DLG5: variants seen among roughly 807,000 people sequenced by gnomAD.
DLG5 encodes disks large homolog 5.
DLG5 carries 48 observed loss-of-function variants against 189.8 expected under a neutral mutation model. The ratio of observed to expected loss-of-function variants is 0.25; its 90% CI spans 0.20 to 0.32. The LOEUF (loss-of-function observed/expected upper bound fraction) is 0.32, where lower values mean the gene tolerates loss of function less well. Ranked by LOEUF, DLG5 falls within the 10% of genes least tolerant of loss-of-function variation. The pLI, the probability that DLG5 is intolerant of heterozygous loss-of-function variation, is 1.00. For synonymous variants in DLG5, 1,016 were observed against 1,054.1 expected, an observed-to-expected ratio of 0.96 and a Z score of 0.70; for missense variants, 2,160 against 2,544.7, an observed-to-expected ratio of 0.85 and a Z score of 3.25.
chr10:77,934,390 A>G, the DLG5 span, among the ~76,000 whole-genome samples: 8 of 148,592 alleles, frequency 5.4e-5, no homozygotes, highest in South Asian at 2.1e-4. Flanking sequence ...AAAAAAAAAG[A>G]AAAGGAAAAA....
At chr10:77,813,571 C>T (rs142592761) in intron 20 of DLG5, among the ~76,000 whole-genome samples, 10 of 152,308 alleles carry the variant, frequency 6.6e-5, no homozygotes, top group South Asian at 2.1e-4. Flanking sequence ...CAATTCAACA[C>T]GGATTACAGC....
At chr10:77,834,279 A>C (rs1196587793) in intron 8 of DLG5, among the ~76,000 whole-genome samples, 1 of 152,054 alleles carries the variant, frequency 6.6e-6, no homozygotes, top group Non-Finnish European at 1.5e-5. Context: ...ACCCGGCAAC[A>C]AGTGTCAGGT....
intron 7 of DLG5, 103 bp from the exon 8 acceptor site, chr10:77,836,025 G>T: frequency 8.0e-7 from 1 of 1,250,140 alleles, no homozygotes; most frequent in Non-Finnish European, 1.1e-6. Flanking sequence ...CTAGGGAGCT[G>T]GATGGAGGGA....
chr10:77,934,385 A>AAAG, the DLG5 span, among the ~76,000 whole-genome samples: 1 of 151,570 alleles, frequency 6.6e-6, no homozygotes, highest in Non-Finnish European at 1.5e-5. Flanking sequence ...AAAAAAAAAA[A>AAAG]AAAGAAAAGG....
At chr10:77,891,020 T>G (rs1845591050) in intron 1 of DLG5, among the ~76,000 whole-genome samples, 1 of 152,226 alleles carries the variant, frequency 6.6e-6, no homozygotes, top group Non-Finnish European at 1.5e-5. Context: ...TTCAGTTTTC[T>G]GATTCCACCA....
intron 27 of DLG5, among the ~76,000 whole-genome samples, chr10:77,804,835 G>C (rs766796305): frequency 1.3e-5 from 2 of 152,174 alleles, no homozygotes; most frequent in Non-Finnish European, 2.9e-5. Context: ...CAGCCTGTAA[G>C]AACCTAAAAA....
rs548369323 is a variant in DLG5 at position 77,849,399 on chromosome 10, C to T, written c.864+3955G>A. 2.4e-3 allele frequency among the ~76,000 whole-genome samples: 360 copies of T among 152,368 alleles called. 2 individuals are homozygous for T. The highest frequency in any genetic ancestry group is 0.023 in the South Asian group (113 of 4,832). On this transcript the variant is annotated intron_variant, in intron 5 of 31. Transcript: ENST00000372391. ...TTCCTCTGCTGCTGGCCTACTGCCA[C>T]CTGAGCATCCCACAGCCAGGCATCC...
At chr10:77,834,141 G>A (rs962888528) in intron 8 of DLG5, 102 bp from the exon 9 acceptor site, 38 of 1,453,692 alleles carry the variant, frequency 2.6e-5, no homozygotes, top group Non-Finnish European at 3.3e-5. Flanking sequence ...AATACCTGCC[G>A]GCACCTATCC....
rs577017995 is a variant in DLG5, at chr10:77,918,792, A to G, written c.304+7425T>C. The stretch of plus-strand genomic sequence containing the variant: ...ATCCCTACTGTCCAGGCCAACACGC[A>G]GCTCAGCCCTCTTTCTCTATGTTTG... On this transcript the variant is annotated intron_variant, in intron 1 of 31. Transcript: ENST00000372391. Among the ~76,000 whole-genome samples the G allele has an allele frequency of 2.3e-3, 357 of 152,308 alleles. 1 individual carries two copies. The highest frequency in any genetic ancestry group is 8.4e-3 in the African/African-American group (351 of 41,562).
intron 18 of DLG5, 137 bp from the exon 19 acceptor site, chr10:77,817,233 T>C (rs1187342244): frequency 2.6e-6 from 2 of 776,584 alleles, no homozygotes; most frequent in Non-Finnish European, 4.4e-6. Flanking sequence ...AGCCTTGATA[T>C]GGAACAGTCA....
chr10:77,830,596 G>GCTGGGAAAGGATGCCTCACACTC (rs1842851788), intron 10 of DLG5, 145 bp downstream of exon 10: 2 of 1,366,560 alleles, frequency 1.5e-6, no homozygotes, highest in African/African-American at 2.9e-5. Flanking sequence ...CTGGACAGCT[G>GCTGGGAAAGGATGCCTCACACTC]CTGGGAAAGG....
chr10:77,898,377 G>GAGCTGGGGACAAGGTAGGGGAGAC (rs1845826808), intron 1 of DLG5, among the ~76,000 whole-genome samples: 1 of 152,244 alleles, frequency 6.6e-6, no homozygotes, highest in Non-Finnish European at 1.5e-5. Flanking sequence ...CCACAGAGGG[G>GAGCTGGGGACAAGGTAGGGGAGAC]AGCTGGGGAC....
intron 1 of DLG5, among the ~76,000 whole-genome samples, chr10:77,878,392 C>T (rs1845171153): frequency 6.6e-6 from 1 of 152,208 alleles, no homozygotes; most frequent in Non-Finnish European, 1.5e-5. Context: ...GCACAGCAAG[C>T]GATCCACAAA....
intron 18 of DLG5, among the ~76,000 whole-genome samples, chr10:77,817,451 CA>C (rs1378014772): frequency 6.6e-6 from 1 of 152,172 alleles, no homozygotes; most frequent in Non-Finnish European, 1.5e-5. Context: ...ACTTTCCATA[CA>C]AAAATGTATG....
intron 7 of DLG5, among the ~76,000 whole-genome samples, chr10:77,841,460 G>A (rs1240956437): frequency 6.6e-6 from 1 of 152,228 alleles, no homozygotes; most frequent in African/African-American, 2.4e-5. Flanking sequence ...TGGTGAAAAA[G>A]GGCCCCTGAG....
At chr10:77,925,048 T>A (rs1311779746) in intron 1 of DLG5, among the ~76,000 whole-genome samples, 1 of 152,194 alleles carries the variant, frequency 6.6e-6, no homozygotes, top group Non-Finnish European at 1.5e-5. Context: ...TATACATATA[T>A]CCTTATTTAT....
intron 1 of DLG5, among the ~76,000 whole-genome samples, chr10:77,886,929 A>T (rs1564575903): frequency 6.6e-6 from 1 of 152,220 alleles, no homozygotes; most frequent in Non-Finnish European, 1.5e-5. Flanking sequence ...AAGAAGCTTC[A>T]GAAGAAACCT....
chr10:77,820,756 G>A, intron 15 of DLG5: 1 of 338,248 alleles, frequency 3.0e-6, no homozygotes, highest in Non-Finnish European at 5.4e-6. Flanking sequence ...CCTCACACGT[G>A]CCACCTCATC....
chr10:77,852,390 A>G (rs1054313738), intron 5 of DLG5, among the ~76,000 whole-genome samples: 3 of 151,210 alleles, frequency 2.0e-5, no homozygotes, highest in African/African-American at 7.4e-5. Flanking sequence ...AATAAATAAA[A>G]TAACAGGAAT....
Sources: allele counts gnomAD v4.1 joint callset (sites outside exome capture counted in the v4.1 genomes callset), GRCh38; gene constraint gnomAD v4.1.1; transcripts MANE v1.5; gene names NCBI Gene and HGNC (gene_info 2026-07-23, HGNC 2026-07-21).